TNS3: variants seen among roughly 807,000 people sequenced by gnomAD.
TNS3 encodes the protein tensin 3.
Under a neutral mutation model 140.9 loss-of-function variants are expected in TNS3, and 45 were observed. The ratio of observed to expected loss-of-function variants is 0.32; its 90% confidence interval spans 0.25 to 0.41. TNS3 has a LOEUF of 0.41. TNS3 is among the 10% of genes least tolerant of loss of function. The pLI, the probability that TNS3 is intolerant of heterozygous loss-of-function variation, is 1.00. For missense variants in TNS3, 1,716 were observed against 1,906.7 expected (o/e 0.90, Z 1.86); for synonymous variants, 815 against 788.4 (o/e 1.03, Z -0.56).
At chr7:47,475,290 C>T (rs1302549131) in intron 4 of TNS3, among the ~76,000 whole-genome samples, 7 of 152,338 alleles carry the variant, frequency 4.6e-5, no homozygotes, top group African/African-American at 9.6e-5. Flanking sequence ...AGAGAAGCAC[C>T]GCCCTGATGA....
chr7:47,502,065 T>C (rs1798246982), intron 3 of TNS3, among the ~76,000 whole-genome samples: 1 of 152,158 alleles, frequency 6.6e-6, no homozygotes, highest in South Asian at 2.1e-4. Flanking sequence ...TTCTGATACA[T>C]GAAGATGGCA....
intron 17 of TNS3, among the ~76,000 whole-genome samples, chr7:47,358,525 T>G (rs886912887): frequency 6.6e-6 from 1 of 152,310 alleles, no homozygotes; most frequent in Non-Finnish European, 1.5e-5. Context: ...CCACATGGGC[T>G]GCGCTGAACA....
intron 4 of TNS3, among the ~76,000 whole-genome samples, chr7:47,444,361 C>T (rs1160368219): frequency 6.6e-6 from 1 of 152,220 alleles, no homozygotes; most frequent in Non-Finnish European, 1.5e-5. Flanking sequence ...GCTTCAGACC[C>T]TATGTCACGC....
chr7:47,539,432 C>A (rs869143037), intron 1 of TNS3: 2 of 318,196 alleles, frequency 6.3e-6, no homozygotes, highest in Non-Finnish European at 1.2e-5. Flanking sequence ...AGTGCTCAAT[C>A]CTAAGGCGAA....
intron 1 of TNS3, among the ~76,000 whole-genome samples, chr7:47,566,522 A>G (rs1156697889): frequency 6.6e-6 from 1 of 152,246 alleles, no homozygotes; most frequent in African/African-American, 2.4e-5. Context: ...GGGATTGCTA[A>G]GTAACAGTCT....
At chr7:47,416,536 A>G (rs1186763016) in intron 10 of TNS3, among the ~76,000 whole-genome samples, 1 of 152,210 alleles carries the variant, frequency 6.6e-6, no homozygotes. Context: ...CAGTATTTCC[A>G]TCTTCCTGGC....
At chr7:47,350,009 A>C (rs1299185436) in intron 17 of TNS3, among the ~76,000 whole-genome samples, 1 of 152,212 alleles carries the variant, frequency 6.6e-6, no homozygotes, top group Non-Finnish European at 1.5e-5. Context: ...GTCAGCAGAG[A>C]GCAATGATTT....
At chr7:47,443,314 C>A (rs963138698) in intron 4 of TNS3, among the ~76,000 whole-genome samples, 1 of 152,168 alleles carries the variant, frequency 6.6e-6, no homozygotes, top group Non-Finnish European at 1.5e-5. Flanking sequence ...GGCCACTGCC[C>A]GTGCTGGGCA....
intron 23 of TNS3, among the ~76,000 whole-genome samples, chr7:47,300,056 C>A (rs900992943): frequency 9.9e-5 from 15 of 152,174 alleles, no homozygotes; most frequent in African/African-American, 3.6e-4. Context: ...CTTTAAGAAA[C>A]CTCAAGGAAT....
chr7:47,467,809 G>T (rs1169024994), intron 4 of TNS3, among the ~76,000 whole-genome samples: 1 of 152,140 alleles, frequency 6.6e-6, no homozygotes, highest in Non-Finnish European at 1.5e-5. Flanking sequence ...AACAGGAGGG[G>T]CCTGAGCCTA....
intron 10 of TNS3, among the ~76,000 whole-genome samples, chr7:47,417,465 G>A (rs950012256): frequency 6.6e-6 from 1 of 152,266 alleles, no homozygotes; most frequent in Admixed American, 6.5e-5. Flanking sequence ...GTAGTGGTCA[G>A]AGGGGAAGGG....
chr7:47,429,281 T>C (rs1457867940), intron 8 of TNS3, among the ~76,000 whole-genome samples: 1 of 152,198 alleles, frequency 6.6e-6, no homozygotes, highest in South Asian at 2.1e-4. Flanking sequence ...TTTACCTACA[T>C]CCAGGGCTGC....
At chr7:47,541,995 T>C (rs1342120528) in intron 1 of TNS3, among the ~76,000 whole-genome samples, 1 of 147,204 alleles carries the variant, frequency 6.8e-6, no homozygotes, top group East Asian at 2.0e-4. Flanking sequence ...AGAGAGGCAA[T>C]GGGAGTCCTG....
intron 7 of TNS3, among the ~76,000 whole-genome samples, chr7:47,436,972 T>C (rs1006459550): frequency 1.3e-5 from 2 of 152,206 alleles, no homozygotes; most frequent in African/African-American, 2.4e-5. Flanking sequence ...CCGTGGACTA[T>C]ACCAATGCCA....
intron 3 of TNS3, among the ~76,000 whole-genome samples, chr7:47,483,294 C>T (rs1303205005): frequency 2.0e-5 from 3 of 151,858 alleles, no homozygotes; most frequent in Admixed American, 1.3e-4. Flanking sequence ...CTCAGCCTCT[C>T]GAGTAGCTGG....
chr7:47,555,416 A>G (rs1187114709), intron 1 of TNS3, among the ~76,000 whole-genome samples: 1 of 151,568 alleles, frequency 6.6e-6, no homozygotes, highest in Non-Finnish European at 1.5e-5. Flanking sequence ...AAAAAAAAAA[A>G]AGAAAGTTAC....
intron 3 of TNS3, among the ~76,000 whole-genome samples, chr7:47,504,920 C>A (rs1018699841): frequency 1.3e-5 from 2 of 152,208 alleles, no homozygotes; most frequent in Non-Finnish European, 2.9e-5. Flanking sequence ...CCTCAGCAAA[C>A]TGCCAATTGC....
chr7:47,346,366 G>T lies in TNS3; in HGVS notation c.2282-10C>A. On this transcript the variant is annotated splice_polypyrimidine_tract_variant and intron_variant, in intron 17 of 30. Coordinates refer to ENST00000311160, the MANE Select transcript of TNS3 (RefSeq NM_022748.12). ...TGTTCAGCAGAGGAGCCTGTTAAAA[G>T]GGAGACAAGCAGGCTGCAGGGCGCT... is the stretch of plus-strand genomic sequence containing the variant. The T allele has an allele frequency of 6.2e-7, 1 of 1,613,690 alleles. No homozygotes were observed. The highest frequency in any genetic ancestry group is 2.2e-5 in the East Asian group (1 of 44,872).
At chr7:47,456,418 A>T (rs1454547933) in intron 4 of TNS3, among the ~76,000 whole-genome samples, 1 of 152,172 alleles carries the variant, frequency 6.6e-6, no homozygotes, top group Non-Finnish European at 1.5e-5. Flanking sequence ...CAGATTCCCC[A>T]CCTGGGGAAT....
Sources: allele counts gnomAD v4.1 joint callset (sites outside exome capture counted in the v4.1 genomes callset), GRCh38; gene constraint gnomAD v4.1.1; transcripts MANE v1.5; gene names NCBI Gene and HGNC (gene_info 2026-07-23, HGNC 2026-07-21).